PAN3: variants seen among roughly 807,000 people sequenced by gnomAD.
PAN3 encodes the protein PAN2-PAN3 deadenylation complex subunit PAN3.
Under a neutral mutation model 96.2 loss-of-function variants are expected in PAN3, and 19 were observed. That is an observed-to-expected ratio of 0.20 (90% CI 0.14 to 0.29). The LOEUF (loss-of-function observed/expected upper bound fraction) is 0.29. PAN3 is among the 10% of genes least tolerant of loss of function. The probability of loss-of-function intolerance (pLI) is 1.00; values close to 1 mark genes in which losing one functional copy is unlikely to be tolerated. For synonymous variants in PAN3, 433 were observed against 406.6 expected, an observed-to-expected ratio of 1.06 and a Z score of -0.78; for missense variants, 882 against 1,108.1, an observed-to-expected ratio of 0.80 and a Z score of 2.90.
intron 6 of PAN3, among the ~76,000 whole-genome samples, chr13:28,225,229 A>G (rs1225807277): frequency 6.6e-6 from 1 of 152,208 alleles, no homozygotes; most frequent in Non-Finnish European, 1.5e-5. Flanking sequence ...GGGAAGGGAA[A>G]GAAAAAGGGG....
chr13:28,153,232 CTTTT>C (rs10651877), intron 1 of PAN3, among the ~76,000 whole-genome samples: 1 of 101,532 alleles, frequency 9.8e-6, no homozygotes, highest in Non-Finnish European at 1.9e-5. Flanking sequence ...GTATAATACG[CTTTT>C]TTTTTTTTTT....
chr13:28,164,739 T>C (rs1873321171), intron 1 of PAN3, among the ~76,000 whole-genome samples: 1 of 152,234 alleles, frequency 6.6e-6, no homozygotes. Context: ...GATGACCTTT[T>C]GAGTAACACT....
At chr13:28,233,198 CAT>C (rs1412731569) in intron 6 of PAN3, among the ~76,000 whole-genome samples, 1 of 151,098 alleles carries the variant, frequency 6.6e-6, no homozygotes, top group African/African-American at 2.4e-5. Flanking sequence ...TTAAAAACCT[CAT>C]ATAGAGGAGA....
intron 1 of PAN3, among the ~76,000 whole-genome samples, chr13:28,167,076 A>C (rs1330982525): frequency 1.6e-5 from 2 of 122,782 alleles, no homozygotes; most frequent in East Asian, 4.9e-4. Context: ...TTTATTTTTT[A>C]TCTTAATTTT....
At chr13:28,205,757 C>T (rs1478614760) in intron 5 of PAN3, among the ~76,000 whole-genome samples, 1 of 151,674 alleles carries the variant, frequency 6.6e-6, no homozygotes, top group African/African-American at 2.4e-5. Context: ...GCAAGAGAAT[C>T]CCATGAGTTC....
At chr13:28,152,637 T>C (rs1258633314) in intron 1 of PAN3, among the ~76,000 whole-genome samples, 1 of 152,044 alleles carries the variant, frequency 6.6e-6, no homozygotes, top group Non-Finnish European at 1.5e-5. Flanking sequence ...TTGAGTCCTT[T>C]TGTGAGACGA....
In PAN3 at chr13:28,138,609, C is replaced by T. The variant is rs1469480401; in HGVS notation, c.-49C>T. 1.5e-5 allele frequency: 7 copies of T among 482,286 alleles called. No individual in the cohort carries two copies. The highest frequency in any genetic ancestry group is 3.8e-5 in the South Asian group (1 of 26,042). 29.9% of individuals were successfully genotyped at this position (482,286 alleles called of 1,614,324 possible). On this transcript the variant is annotated 5_prime_UTR_variant, in exon 1 of 19. Transcript: ENST00000380958. ...TTTCCTCCCCCGTCTATGGTGGTGG[C>T]GGCGGCGGCTCCTCGGGCGGCGGCG...
At chr13:28,147,828 A>G (rs1412934280) in intron 1 of PAN3, among the ~76,000 whole-genome samples, 1 of 152,168 alleles carries the variant, frequency 6.6e-6, no homozygotes, top group South Asian at 2.1e-4. Context: ...GTCAGTTGGC[A>G]TGTAGGTAAT....
At chr13:28,138,330 GCTCC>G, upstream of PAN3, 1 of 169,754 alleles carries the variant, frequency 5.9e-6, no homozygotes, top group African/African-American at 2.4e-5. Context: ...TGCCGCTGCC[GCTCC>G]CTCTTCCCCT....
At chr13:28,234,729 A>G (rs1244079092) in intron 6 of PAN3, among the ~76,000 whole-genome samples, 2 of 152,006 alleles carry the variant, frequency 1.3e-5, no homozygotes, top group Non-Finnish European at 2.9e-5. Context: ...CCTCTTGAGT[A>G]TTCTTTATTT....
chr13:28,239,927 A>C (rs1883489670), intron 6 of PAN3: 1 of 222,976 alleles, frequency 4.5e-6, no homozygotes, highest in African/African-American at 2.3e-5. Context: ...TCAGCATAGA[A>C]GCTTTGCAGT....
intron 9 of PAN3, among the ~76,000 whole-genome samples, chr13:28,261,832 CAAAAA>C (rs10636889): frequency 8.9e-6 from 1 of 112,716 alleles, no homozygotes; most frequent in Admixed American, 9.7e-5. Context: ...GACCCTGTCT[CAAAAA>C]AAAAAAAAAA....
intron 7 of PAN3, among the ~76,000 whole-genome samples, chr13:28,260,084 A>G (rs1291131180): frequency 6.6e-6 from 1 of 152,194 alleles, no homozygotes. Flanking sequence ...CAAAACAATA[A>G]TAAAGCTTAT....
At chr13:28,153,271 C>T (rs1871635362) in intron 1 of PAN3, among the ~76,000 whole-genome samples, 1 of 130,736 alleles carries the variant, frequency 7.6e-6, no homozygotes, top group Non-Finnish European at 1.5e-5. Context: ...GAGTCTCGCT[C>T]TGTTGCCAGC....
rs77227138 is a variant in PAN3 at position 28,182,311 on chromosome 13, A to C, written c.690+4376A>C. On this transcript the variant is annotated intron_variant, in intron 4 of 18. Coordinates refer to ENST00000380958, the MANE Select transcript of PAN3 (RefSeq NM_175854.8). ...TGTGTCAGCTTGGCTTTCTCCTTTT[A>C]TATCTTTCTGGGCTATTGCCCTTCT... Among the ~76,000 whole-genome samples, 9 of 152,238 alleles carry C rather than the reference A, an allele frequency of 5.9e-5. 1 individual carries two copies. The South Asian group carries it at 1.7e-3, about 28-fold the overall frequency.
Position 28,177,868 on chromosome 13 carries a change from C to T in PAN3, c.623C>T (p.Pro208Leu). The change falls in exon 4 of 19, where the codon CCT becomes CTT. Residue 208 changes from proline (P) to leucine (L), a missense_variant. Transcript: ENST00000380958. ...DSAKPYSAHD[P>L]LTSPASSLFN... Reference sequence around the variant, plus strand: ...ACTTACGTAACTTACCTTTCAGATCCTCTAACATCACCTGCTTCATCCTTG... The same window carrying T: ...ACTTACGTAACTTACCTTTCAGATCTTCTAACATCACCTGCTTCATCCTTG... 6.2e-7 allele frequency: 1 copy of T among 1,612,538 alleles called. No individual in the cohort carries two copies. Among genetic ancestry groups the T allele is most frequent in the Middle Eastern group, 1.7e-4 (1 of 6,056 alleles).
At chr13:28,228,340 AG>A (rs1882210833) in intron 6 of PAN3, among the ~76,000 whole-genome samples, 1 of 152,168 alleles carries the variant, frequency 6.6e-6, no homozygotes, top group Non-Finnish European at 1.5e-5. Flanking sequence ...GCATGTAGGT[AG>A]GGTCTTAGTA....
intron 5 of PAN3, among the ~76,000 whole-genome samples, chr13:28,218,541 A>G (rs1442083248): frequency 6.6e-6 from 1 of 152,130 alleles, no homozygotes; most frequent in Admixed American, 6.5e-5. Context: ...ACAGTGTTGT[A>G]TGTAACTCTT....
At chr13:28,228,698 T>C (rs1882243717) in intron 6 of PAN3, among the ~76,000 whole-genome samples, 1 of 152,140 alleles carries the variant, frequency 6.6e-6, no homozygotes, top group Non-Finnish European at 1.5e-5. Flanking sequence ...AGATTAAATA[T>C]ATTAACATCC....
Sources: gnomAD v4.1 joint callset for allele counts (sites outside exome capture counted in the v4.1 genomes callset) on GRCh38, gnomAD v4.1.1 for gene constraint, MANE v1.5 for transcripts, NCBI Gene and HGNC (gene_info 2026-07-23, HGNC 2026-07-21) for gene names.